Variants in ROBO2 observed in about 807,000 individuals in gnomAD.
ROBO2 encodes roundabout guidance receptor 2.
ROBO2 carries 53 observed loss-of-function variants against 160.8 expected under a neutral mutation model. The ratio of observed to expected loss-of-function variants is 0.33; its 90% CI spans 0.26 to 0.41. The LOEUF (loss-of-function observed/expected upper bound fraction) is 0.41. ROBO2 is among the 10% of genes least tolerant of loss of function. ROBO2 has a pLI of 1.00. For missense variants in ROBO2, 1,577 were observed against 1,722.4 expected (o/e 0.92, Z 1.49); for synonymous variants, 664 against 611.7 (o/e 1.09, Z -1.26).
At chr3:77,570,942 C>A (rs1312904375) in intron 13 of ROBO2, among the ~76,000 whole-genome samples, 2 of 151,916 alleles carry the variant, frequency 1.3e-5, no homozygotes, top group Non-Finnish European at 2.9e-5. Context: ...AAACTTGAAA[C>A]AATAGTTAGC....
chr3:77,389,644 T>C (rs746282924), intron 2 of ROBO2, among the ~76,000 whole-genome samples: 10 of 152,126 alleles, frequency 6.6e-5, no homozygotes, highest in Non-Finnish European at 1.0e-4. Flanking sequence ...TTTCTTCTTC[T>C]TCCCTTTTTC....
chr3:76,013,420 C>T (rs1462391720), intron 2 of ROBO2, among the ~76,000 whole-genome samples: 2 of 148,822 alleles, frequency 1.3e-5, no homozygotes, highest in African/African-American at 5.0e-5. Context: ...TGTGTGTAAT[C>T]CCAGAAGTAA....
intron 1 of ROBO2, among the ~76,000 whole-genome samples, chr3:77,071,015 C>T (rs1361434697): frequency 6.6e-6 from 1 of 152,082 alleles, no homozygotes; most frequent in African/African-American, 2.4e-5. Flanking sequence ...CTTCTTTATC[C>T]ATTTTTGTTT....
chr3:77,124,579 G>A (rs563626237), intron 2 of ROBO2, among the ~76,000 whole-genome samples: 16 of 152,206 alleles, frequency 1.1e-4, no homozygotes, highest in Admixed American at 9.8e-4. Context: ...ATATAAATGT[G>A]GAGTTGTAGG....
intron 2 of ROBO2, among the ~76,000 whole-genome samples, chr3:75,941,863 A>T (rs1948070299): frequency 6.6e-6 from 1 of 152,146 alleles, no homozygotes; most frequent in Non-Finnish European, 1.5e-5. Context: ...TAATTATATG[A>T]AGACAATATC....
At chr3:77,043,804 T>A (rs2064340849) in intron 1 of ROBO2, among the ~76,000 whole-genome samples, 1 of 152,126 alleles carries the variant, frequency 6.6e-6, no homozygotes, top group East Asian at 1.9e-4. Context: ...TGTGAAAAGG[T>A]GTTTTAAAAT....
intron 2 of ROBO2, among the ~76,000 whole-genome samples, chr3:76,033,703 C>T (rs1420224534): frequency 6.6e-6 from 1 of 152,172 alleles, no homozygotes; most frequent in African/African-American, 2.4e-5. Flanking sequence ...AGAGATAACT[C>T]GTCCATGATT....
intron 2 of ROBO2, among the ~76,000 whole-genome samples, chr3:76,389,422 C>T (rs549718509): frequency 6.6e-6 from 1 of 152,228 alleles, no homozygotes; most frequent in Non-Finnish European, 1.5e-5. Flanking sequence ...GAATTAGGCT[C>T]GCCACTACAA....
chr3:76,268,995 C>T (rs1707264186), intron 2 of ROBO2, among the ~76,000 whole-genome samples: 1 of 151,892 alleles, frequency 6.6e-6, no homozygotes, highest in Non-Finnish European at 1.5e-5. Context: ...TTATTTGTTT[C>T]ATAAAAACAT....
At position 77,602,197 on chromosome 3, in the gene ROBO2, A is replaced by G. The variant is rs770651466; in HGVS notation, c.2855-13A>G. ...CCTCATTAAATTGTTTCATTTCCCT[A>G]TGTTCACCACAGATGTGCTGCCACC... On this transcript the variant is annotated splice_polypyrimidine_tract_variant and intron_variant, in intron 19 of 25. Transcript: ENST00000461745. The G allele has an allele frequency of 1.1e-5, 17 of 1,613,922 alleles. No individual in the cohort carries two copies. The highest frequency in any genetic ancestry group is 1.4e-5 in the Non-Finnish European group (16 of 1,179,960).
intron 17 of ROBO2, among the ~76,000 whole-genome samples, chr3:77,594,371 C>A (rs568985140): frequency 2.0e-5 from 3 of 152,116 alleles, no homozygotes; most frequent in Admixed American, 1.3e-4. Context: ...TTGGCCAGTC[C>A]TTAAAATCCA....
At chr3:77,544,315 C>G (rs2092609391) in intron 6 of ROBO2, among the ~76,000 whole-genome samples, 1 of 151,978 alleles carries the variant, frequency 6.6e-6, no homozygotes, top group Non-Finnish European at 1.5e-5. Flanking sequence ...TTGTAAGAAG[C>G]AACTAATCTC....
intron 2 of ROBO2, among the ~76,000 whole-genome samples, chr3:76,986,555 T>G (rs1463679439): frequency 6.6e-6 from 1 of 152,148 alleles, no homozygotes; most frequent in African/African-American, 2.4e-5. Flanking sequence ...TATATTATTT[T>G]GTAATTATCA....
chr3:76,668,073 G>T (rs1297753528), intron 2 of ROBO2, among the ~76,000 whole-genome samples: 3 of 152,052 alleles, frequency 2.0e-5, no homozygotes, highest in Non-Finnish European at 4.4e-5. Context: ...TCCCCATAGA[G>T]ACCAAAATAC....
intron 5 of ROBO2, among the ~76,000 whole-genome samples, chr3:77,520,721 G>A (rs368722470): frequency 3.1e-4 from 47 of 151,314 alleles, no homozygotes; most frequent in African/African-American, 1.1e-3. Flanking sequence ...AATTGGAAAT[G>A]GCTGCAAAAT....
At chr3:76,733,257 C>A (rs774600) in intron 2 of ROBO2, among the ~76,000 whole-genome samples, 3 of 152,046 alleles carry the variant, frequency 2.0e-5, no homozygotes, top group South Asian at 4.1e-4. Flanking sequence ...ACTGTGTATA[C>A]AAAGAAGGGA....
intron 5 of ROBO2, among the ~76,000 whole-genome samples, chr3:77,521,155 A>G (rs971290453): frequency 2.0e-5 from 3 of 151,174 alleles, no homozygotes; most frequent in South Asian, 4.1e-4. Flanking sequence ...CACGAAATAG[A>G]TGTTATCTTT....
At chr3:77,380,184 G>T (rs577711430) in intron 2 of ROBO2, among the ~76,000 whole-genome samples, 1 of 152,302 alleles carries the variant, frequency 6.6e-6, no homozygotes, top group African/African-American at 2.4e-5. Context: ...AATTTTATTT[G>T]TCTTGTACTC....
At chr3:76,952,557 C>T (rs1220181638) in intron 2 of ROBO2, among the ~76,000 whole-genome samples, 1 of 152,170 alleles carries the variant, frequency 6.6e-6, no homozygotes, top group African/African-American at 2.4e-5. Context: ...GCTGGGATTA[C>T]AGGCGTGAGC....
Sources: gnomAD v4.1 joint callset for allele counts (sites outside exome capture counted in the v4.1 genomes callset) on GRCh38, gnomAD v4.1.1 for gene constraint, MANE v1.5 for transcripts, NCBI Gene and HGNC (gene_info 2026-07-23, HGNC 2026-07-21) for gene names.